The following PAPOLA variants were observed in gnomAD, a reference collection of about 807,000 sequenced individuals.
PAPOLA encodes the protein poly(A) polymerase alpha.
Under a neutral mutation model 100.6 loss-of-function variants are expected in PAPOLA, and 15 were observed. The ratio of observed to expected loss-of-function variants is 0.15; its 90% CI spans 0.10 to 0.23. The LOEUF is 0.23. PAPOLA is among the 10% of genes least tolerant of loss of function. PAPOLA has a pLI of 1.00. For missense variants in PAPOLA, 533 were observed against 884.2 expected (o/e 0.60, Z 5.04); for synonymous variants, 293 against 300.0 (o/e 0.98, Z 0.24).
intron 1 of PAPOLA, among the ~76,000 whole-genome samples, chr14:96,507,843 A>G (rs1232315069): frequency 6.6e-6 from 1 of 152,120 alleles, no homozygotes; most frequent in Non-Finnish European, 1.5e-5. Flanking sequence ...CAGTGGTGGT[A>G]TGAGCTGTCC....
intron 15 of PAPOLA, among the ~76,000 whole-genome samples, chr14:96,546,385 A>G (rs1420804918): frequency 6.6e-6 from 1 of 152,056 alleles, no homozygotes; most frequent in African/African-American, 2.4e-5. Context: ...TGTCCAGATG[A>G]TATTTTTAAG....
chr14:96,552,854 T>C, intron 17 of PAPOLA: 1 of 488,396 alleles, frequency 2.0e-6, no homozygotes, highest in Non-Finnish European at 3.7e-6. Context: ...CAGATGTGAA[T>C]GAATGTTAGC....
rs184068871 is a variant in PAPOLA at position 96,546,044 on chromosome 14, A to G, written c.1400-1753A>G. On this transcript the variant is annotated intron_variant, in intron 15 of 21. Transcript: ENST00000216277. ...CCTGTATATTGAAACACTTTAATCCAATACTTTATGGGATTTTTAAAGAAA... is the reference window on the plus strand; with the variant it reads ...CCTGTATATTGAAACACTTTAATCCGATACTTTATGGGATTTTTAAAGAAA... 7.9e-5 allele frequency among the ~76,000 whole-genome samples: 12 copies of G among 152,234 alleles called. No homozygotes were observed. In the East Asian group the frequency reaches 1.7e-3, roughly 22 times the overall value.
intron 3 of PAPOLA, among the ~76,000 whole-genome samples, chr14:96,524,225 G>A (rs1258603754): frequency 6.6e-6 from 1 of 151,934 alleles, no homozygotes; most frequent in Non-Finnish European, 1.5e-5. Flanking sequence ...GTTTTTGTTT[G>A]GACAGACCTT....
chr14:96,551,400 C>T lies in PAPOLA; in HGVS notation c.1522-1080C>T, dbSNP rs1595551601. ...AATATTAGGTACTTCTATTTCACGA[C>T]TGACTTCATAAGCAAATGGCATTAC... On this transcript the variant is annotated intron_variant, in intron 16 of 21. Transcript: ENST00000216277. 2.0e-5 allele frequency among the ~76,000 whole-genome samples: 3 copies of T among 152,170 alleles called. No homozygotes were observed. In the East Asian group the frequency reaches 5.8e-4, roughly 29 times the overall value.
chr14:96,547,282 A>G (rs777572476), intron 15 of PAPOLA, among the ~76,000 whole-genome samples: 3 of 151,886 alleles, frequency 2.0e-5, no homozygotes, highest in African/African-American at 7.3e-5. Flanking sequence ...TAATTGTAGC[A>G]TTTTCTTTTT....
Position 96,519,453 on chromosome 14 carries a change from T to C in PAPOLA, c.9-602T>C, listed in dbSNP as rs917502260. On this transcript the variant is annotated intron_variant, in intron 1 of 21. Coordinates refer to ENST00000216277, the MANE Select transcript of PAPOLA (RefSeq NM_032632.5). ...TGCCTTTTTACAAATTTGGAACTTATCTTAAAATGGATAAAATAGCTGTGT... is the reference window on the plus strand; with the variant it reads ...TGCCTTTTTACAAATTTGGAACTTACCTTAAAATGGATAAAATAGCTGTGT... Among the ~76,000 whole-genome samples the C allele has an allele frequency of 6.6e-5, 10 of 152,234 alleles. No individual in the cohort carries two copies. The South Asian group carries it at 1.2e-3, about 19-fold the overall frequency.
intron 11 of PAPOLA, among the ~76,000 whole-genome samples, chr14:96,536,649 G>T (rs1899558288): frequency 6.6e-6 from 1 of 151,952 alleles, no homozygotes; most frequent in Non-Finnish European, 1.5e-5. Flanking sequence ...AGGGAAACTT[G>T]GTTTTAGAAA....
In PAPOLA at chr14:96,502,539, C is replaced by A; in HGVS notation, c.-54C>A. The A allele has an allele frequency of 1.4e-6, 2 of 1,432,776 alleles. No homozygotes were observed. The highest frequency in any genetic ancestry group is 1.9e-6 in the Non-Finnish European group (2 of 1,047,292). 88.8% of individuals were successfully genotyped at this position (1,432,776 alleles called of 1,614,324 possible). A position where few individuals can be genotyped will look rare whatever the true frequency, so the allele number is the denominator to read the frequency against. On this transcript the variant is annotated 5_prime_UTR_variant, in exon 1 of 22. Coordinates refer to ENST00000216277, the MANE Select transcript of PAPOLA (RefSeq NM_032632.5). ...CCTCAGTGGATCATGCCCAGGGCGG[C>A]AGCGGCGGCGGTTGCGGGGGGGAAG...
intron 4 of PAPOLA, chr14:96,526,794 A>G (rs995424953): frequency 5.2e-5 from 8 of 152,510 alleles, no homozygotes; most frequent in African/African-American, 1.9e-4. Context: ...TCTAATAAAT[A>G]GCTTTCAGAG....
intron 5 of PAPOLA, 89 bp downstream of exon 5, chr14:96,527,628 G>T: frequency 1.3e-6 from 1 of 743,172 alleles, no homozygotes; most frequent in Non-Finnish European, 2.3e-6. Context: ...ATCATTTATT[G>T]AGTTCTTGCA....
chr14:96,504,319 C>T (rs916200148), intron 1 of PAPOLA: 13 of 152,302 alleles, frequency 8.5e-5, no homozygotes, highest in African/African-American at 3.1e-4. Flanking sequence ...TACCTACTTT[C>T]CCCCAACATT....
chr14:96,503,226 G>T (rs1049069622), intron 1 of PAPOLA, among the ~76,000 whole-genome samples: 1 of 152,234 alleles, frequency 6.6e-6, no homozygotes, highest in Non-Finnish European at 1.5e-5. Context: ...ATTCACAGGC[G>T]GTCGGAGAAG....
At chr14:96,561,848 A>G (rs1901872391) in intron 20 of PAPOLA, among the ~76,000 whole-genome samples, 2 of 140,600 alleles carry the variant, frequency 1.4e-5, no homozygotes, top group African/African-American at 5.3e-5. Context: ...TTTTTGGTAT[A>G]GTTTCATTGA....
At chr14:96,507,518 G>A (rs1340897994) in intron 1 of PAPOLA, among the ~76,000 whole-genome samples, 4 of 151,888 alleles carry the variant, frequency 2.6e-5, no homozygotes, top group East Asian at 1.9e-4. Context: ...CTCGTGATCC[G>A]CCTGCCTCGG....
intron 3 of PAPOLA, among the ~76,000 whole-genome samples, chr14:96,523,689 T>C (rs545349211): frequency 2.0e-5 from 3 of 152,210 alleles, no homozygotes; most frequent in Non-Finnish European, 4.4e-5. Context: ...CTTACGCCTG[T>C]AATCCAACAC....
At chr14:96,502,760 C>A in intron 1 of PAPOLA, 160 bp downstream of exon 1, 1 of 664,196 alleles carries the variant, frequency 1.5e-6, no homozygotes, top group Non-Finnish European at 2.2e-6. Flanking sequence ...CTCGCTCGCT[C>A]GCCGCCGCAC....
chr14:96,504,799 C>T (rs973073357), intron 1 of PAPOLA: 3 of 152,296 alleles, frequency 2.0e-5, no homozygotes. Context: ...CTTTGTTTTT[C>T]ATGTACTGCT....
chr14:96,522,497 A>G (rs1898087884), intron 3 of PAPOLA, among the ~76,000 whole-genome samples: 1 of 149,982 alleles, frequency 6.7e-6, no homozygotes, highest in Non-Finnish European at 1.5e-5. Context: ...TGTATCCTCC[A>G]CCTCCCGGGC....
Sources: allele counts gnomAD v4.1 joint callset (sites outside exome capture counted in the v4.1 genomes callset), GRCh38; gene constraint gnomAD v4.1.1; transcripts MANE v1.5; gene names NCBI Gene and HGNC (gene_info 2026-07-23, HGNC 2026-07-21).